Variants in RBM33 observed in about 807,000 individuals in gnomAD.
RBM33 encodes the protein RNA binding motif protein 33.
Under a neutral mutation model 132.6 loss-of-function variants are expected in RBM33, and 28 were observed. The observed-to-expected ratio is 0.21, with a 90% CI of 0.16 to 0.29. The LOEUF is 0.29. Ranked by LOEUF, RBM33 falls within the 10% of genes least tolerant of loss-of-function variation. The pLI is 1.00. For missense variants in RBM33, 1,291 were observed against 1,518.5 expected, an observed-to-expected ratio of 0.85 and a Z score of 2.49; for synonymous variants, 634 against 593.0, an observed-to-expected ratio of 1.07 and a Z score of -1.01.
In RBM33 at chr7:155,775,366, C is replaced by T. The variant is rs1238692780; in HGVS notation, c.*325C>T. On this transcript the variant is annotated 3_prime_UTR_variant, in exon 18 of 18. Transcript: ENST00000401878. ...TGTGGTCTGACTCTATGATCGATCACAGTGACTTAGATTCAGGAAAGAACA... is the reference window on the plus strand; with the variant it reads ...TGTGGTCTGACTCTATGATCGATCATAGTGACTTAGATTCAGGAAAGAACA... 2.1e-6 allele frequency: 1 copy of T among 476,944 alleles called. No homozygotes were observed. Among genetic ancestry groups the T allele is most frequent in the Non-Finnish European group, 3.9e-6 (1 of 259,068 alleles). The allele number at this position is 476,944 out of a possible 1,614,324, so 29.5% of individuals were successfully genotyped here.
chr7:155,695,536 T>C (rs1022297635), intron 5 of RBM33, among the ~76,000 whole-genome samples: 3 of 152,200 alleles, frequency 2.0e-5, no homozygotes, highest in Non-Finnish European at 4.4e-5. Flanking sequence ...CTCGGCTCAC[T>C]GCACCCTCTG....
chr7:155,655,046 A>C (rs1261071045), intron 1 of RBM33, among the ~76,000 whole-genome samples: 1 of 152,222 alleles, frequency 6.6e-6, no homozygotes, highest in African/African-American at 2.4e-5. Flanking sequence ...TACTCTAATA[A>C]ATGAGTTTTT....
At chr7:155,701,783 GTTCAA>G (rs139809720) in intron 6 of RBM33, among the ~76,000 whole-genome samples, 1,623 of 152,272 alleles carry the variant, frequency 0.011, 22 homozygotes, top group African/African-American at 0.037. Flanking sequence ...CGCCTCCCAG[GTTCAA>G]CTGAGTCTTC....
At chr7:155,646,001 A>G (rs1297045480) in intron 1 of RBM33, among the ~76,000 whole-genome samples, 1 of 152,148 alleles carries the variant, frequency 6.6e-6, no homozygotes, top group Non-Finnish European at 1.5e-5. Flanking sequence ...TAAATACATG[A>G]TGTTTGCGTG....
At chr7:155,657,655 C>T (rs545664285) in intron 1 of RBM33, among the ~76,000 whole-genome samples, 1 of 152,282 alleles carries the variant, frequency 6.6e-6, no homozygotes. Flanking sequence ...CAACAGGCTC[C>T]AGCCACTGCA....
At chr7:155,646,501 G>C (rs778001806) in intron 1 of RBM33, among the ~76,000 whole-genome samples, 3 of 152,138 alleles carry the variant, frequency 2.0e-5, no homozygotes, top group Non-Finnish European at 4.4e-5. Context: ...TGTGAGTTCT[G>C]TATGACTTGG....
At chr7:155,651,660 A>G (rs1308637623) in intron 1 of RBM33, among the ~76,000 whole-genome samples, 1 of 150,848 alleles carries the variant, frequency 6.6e-6, no homozygotes, top group African/African-American at 2.4e-5. Context: ...TTAAGTCATG[A>G]TGGGAACATC....
intron 6 of RBM33, among the ~76,000 whole-genome samples, chr7:155,706,118 C>T (rs1800105455): frequency 6.6e-6 from 1 of 152,208 alleles, no homozygotes; most frequent in Admixed American, 6.5e-5. Flanking sequence ...CTATTAATAG[C>T]TCTACTGGCT....
chr7:155,721,998 C>T (rs1800642117), intron 9 of RBM33, among the ~76,000 whole-genome samples: 1 of 152,142 alleles, frequency 6.6e-6, no homozygotes, highest in African/African-American at 2.4e-5. Flanking sequence ...GGATGCATGT[C>T]CTTCCCTAGT....
At position 155,653,707 on chromosome 7, in the gene RBM33, G is replaced by T. The variant is rs145151751; in HGVS notation, c.43+8788G>T. On this transcript the variant is annotated intron_variant, in intron 1 of 17. Coordinates refer to ENST00000401878, the MANE Select transcript of RBM33 (RefSeq NM_053043.3). Reference sequence around the variant, plus strand: ...TGGTGCACCCTGACCCTTCAGACTGGCCCTGTGTACCTCTTCATCTGGCTC... The same window carrying T: ...TGGTGCACCCTGACCCTTCAGACTGTCCCTGTGTACCTCTTCATCTGGCTC... 1.1e-3 allele frequency among the ~76,000 whole-genome samples: 170 copies of T among 152,252 alleles called. 1 individual carries two copies. Among genetic ancestry groups the T allele is most frequent in the African/African-American group, 4.0e-3 (165 of 41,532 alleles).
At chr7:155,673,969 T>TTTTTTTTTTTTTTTTTTA (rs1799103315) in intron 3 of RBM33, among the ~76,000 whole-genome samples, 1 of 135,236 alleles carries the variant, frequency 7.4e-6, no homozygotes, top group Non-Finnish European at 1.6e-5. Flanking sequence ...TTTTTTTTTT[T>TTTTTTTTTTTTTTTTTTA]TTTGAGACAC....
intron 16 of RBM33, among the ~76,000 whole-genome samples, chr7:155,773,222 C>T (rs571296599): frequency 6.6e-6 from 1 of 152,282 alleles, no homozygotes; most frequent in African/African-American, 2.4e-5. Context: ...TCCTTCAGGA[C>T]AGTGTTTGCT....
At chr7:155,686,453 T>C (rs1033468811) in intron 5 of RBM33, among the ~76,000 whole-genome samples, 31 of 152,000 alleles carry the variant, frequency 2.0e-4, no homozygotes, top group African/African-American at 6.5e-4. Context: ...TAATTCCATG[T>C]CCTTTTTGTT....
chr7:155,690,881 C>T (rs1387128171), intron 5 of RBM33, among the ~76,000 whole-genome samples: 1 of 152,208 alleles, frequency 6.6e-6, no homozygotes, highest in African/African-American at 2.4e-5. Context: ...CCCGACCTTT[C>T]TCTCTGGCTA....
chr7:155,680,685 A>C lies in RBM33; in HGVS notation c.344A>C (p.Glu115Ala), dbSNP rs777760104. Reference protein sequence around the residue: ...DNTNDQSGEQESEYEQEQGED... With the variant: ...DNTNDQSGEQASEYEQEQGED... ...ACTAACGACCAATCTGGAGAACAGG[A>C]ATCTGAGTATGAACAAGAACAAGGA... Residue 115 changes from glutamate to alanine, a missense_variant, in exon 5 of 18, where the codon GAA becomes GCA. Glu to Ala is a moderately radical substitution (Grantham distance 107). Around this residue, in one of 7 missense-constraint regions of RBM33, gnomAD observed 194 missense variants for 249.8 expected, o/e 0.78. Transcript: ENST00000401878. The C allele has an allele frequency of 8.7e-6, 14 of 1,612,380 alleles. No homozygotes were observed. Among genetic ancestry groups the C allele is most frequent in the Non-Finnish European group, 1.1e-5 (13 of 1,179,222 alleles).
intron 16 of RBM33, among the ~76,000 whole-genome samples, chr7:155,770,096 C>T (rs1371691268): frequency 6.6e-5 from 10 of 152,144 alleles, no homozygotes; most frequent in Non-Finnish European, 1.5e-4. Context: ...AAAATTAAAC[C>T]AGAGCAAAAG....
intron 1 of RBM33, among the ~76,000 whole-genome samples, chr7:155,647,749 T>C (rs1798241518): frequency 6.6e-6 from 1 of 152,190 alleles, no homozygotes; most frequent in East Asian, 1.9e-4. Context: ...TCATTTGGTA[T>C]TGCAGCCAAG....
chr7:155,685,207 T>G (rs1218186322), intron 5 of RBM33, among the ~76,000 whole-genome samples: 3 of 152,212 alleles, frequency 2.0e-5, no homozygotes, highest in Non-Finnish European at 4.4e-5. Flanking sequence ...CCTTGGGAAG[T>G]GAGTTCTGGT....
chr7:155,667,408 C>G (rs1798829099), intron 2 of RBM33, among the ~76,000 whole-genome samples: 1 of 151,874 alleles, frequency 6.6e-6, no homozygotes, highest in Non-Finnish European at 1.5e-5. Context: ...GTGTGCCGTG[C>G]CCAGTTGTAT....
Sources: gnomAD v4.1 joint callset for allele counts (sites outside exome capture counted in the v4.1 genomes callset) on GRCh38, gnomAD v4.1.1 for gene constraint, gnomAD v4.1.1 regional missense constraint, MANE v1.5 for transcripts, NCBI Gene and HGNC (gene_info 2026-07-23, HGNC 2026-07-21) for gene names.